The following PTPN2 variants were observed in gnomAD, a reference collection of about 807,000 sequenced individuals.
The protein encoded by PTPN2 is tyrosine-protein phosphatase non-receptor type 2.
PTPN2 carries 19 observed loss-of-function variants against 57.3 expected under a neutral mutation model. That is an observed-to-expected ratio of 0.33 (90% CI 0.23 to 0.49). PTPN2 has a LOEUF of 0.49. PTPN2 is among the 20% of genes least tolerant of loss of function. The pLI is 0.99. For missense variants in PTPN2, 358 were observed against 501.1 expected (o/e 0.71, Z 2.73); for synonymous variants, 153 against 164.9 (o/e 0.93, Z 0.55).
intron 1 of PTPN2, among the ~76,000 whole-genome samples, chr18:12,861,308 G>A (rs2043801171): frequency 6.6e-6 from 1 of 152,214 alleles, no homozygotes; most frequent in African/African-American, 2.4e-5. Flanking sequence ...CAAATGGAAA[G>A]TTAATTGACT....
intron 7 of PTPN2, among the ~76,000 whole-genome samples, chr18:12,812,293 T>C (rs1225529556): frequency 6.6e-6 from 1 of 152,194 alleles, no homozygotes; most frequent in Non-Finnish European, 1.5e-5. Flanking sequence ...TACACATATT[T>C]ACAGACTTAA....
intron 2 of PTPN2, among the ~76,000 whole-genome samples, chr18:12,837,977 C>T (rs1403565629): frequency 6.6e-6 from 1 of 152,056 alleles, no homozygotes; most frequent in African/African-American, 2.4e-5. Context: ...AAGATGATGT[C>T]AACAAGCACT....
Position 12,884,152 on chromosome 18 carries a change from G to C in PTPN2, c.-11C>G. The C allele has an allele frequency of 6.4e-7, 1 of 1,571,848 alleles. No individual in the cohort carries two copies. Among genetic ancestry groups the C allele is most frequent in the Non-Finnish European group, 8.6e-7 (1 of 1,161,014 alleles). On this transcript the variant is annotated 5_prime_UTR_variant, in exon 1 of 9. Coordinates refer to ENST00000309660, the MANE Select transcript of PTPN2 (RefSeq NM_002828.4). ...GATGGTGGTGGGCATGGCTGCGGGA[G>C]CGAGCTGGCGCGAGCAGAGCCTGCG...
intron 1 of PTPN2, among the ~76,000 whole-genome samples, chr18:12,860,578 C>CAT (rs2057996743): frequency 6.6e-6 from 1 of 151,762 alleles, no homozygotes; most frequent in South Asian, 2.1e-4. Flanking sequence ...GCCTGGGTGA[C>CAT]AGAGTGAGGC....
chr18:12,827,678 C>T (rs559810958), intron 4 of PTPN2, among the ~76,000 whole-genome samples: 1 of 150,956 alleles, frequency 6.6e-6, no homozygotes, highest in Non-Finnish European at 1.5e-5. Context: ...AGCCCTCCAA[C>T]CTGGCCAGAA....
At chr18:12,837,742 A>T (rs2042915812) in intron 2 of PTPN2, among the ~76,000 whole-genome samples, 1 of 149,036 alleles carries the variant, frequency 6.7e-6, no homozygotes, top group Non-Finnish European at 1.5e-5. Flanking sequence ...CCTCTCAAAG[A>T]AATCCATACT....
chr18:12,835,558 T>C (rs1429400193), intron 3 of PTPN2, among the ~76,000 whole-genome samples: 2 of 151,946 alleles, frequency 1.3e-5, no homozygotes, highest in Non-Finnish European at 2.9e-5. Context: ...GTATTTTTAG[T>C]AGAGATGGGG....
intron 2 of PTPN2, among the ~76,000 whole-genome samples, chr18:12,852,723 C>T (rs2043441271): frequency 6.6e-6 from 1 of 152,170 alleles, no homozygotes; most frequent in African/African-American, 2.4e-5. Flanking sequence ...CTTTATGTTT[C>T]TCGTATTCAG....
downstream of PTPN2, among the ~76,000 whole-genome samples, chr18:12,791,462 C>T (rs1457012332): frequency 6.6e-6 from 1 of 152,032 alleles, no homozygotes; most frequent in Non-Finnish European, 1.5e-5. Flanking sequence ...CTGTAGAACC[C>T]ATCTAGAATT....
At chr18:12,863,816 C>T (rs1039940513) in intron 1 of PTPN2, 7 of 152,046 alleles carry the variant, frequency 4.6e-5, no homozygotes, top group Non-Finnish European at 1.0e-4. Flanking sequence ...TATAATTTAA[C>T]CAAAAATTTT....
rs1379865440 is a variant in PTPN2 at position 12,793,457 on chromosome 18, T to C, written c.*821A>G. On this transcript the variant is annotated 3_prime_UTR_variant, in exon 9 of 9. Coordinates refer to ENST00000309660, the MANE Select transcript of PTPN2 (RefSeq NM_002828.4). ...TGGGATTTACAGAAACCAATTTCTTTACAAAGTCTTGACCAACTGTTTACC... is the reference window on the plus strand; with the variant it reads ...TGGGATTTACAGAAACCAATTTCTTCACAAAGTCTTGACCAACTGTTTACC... 6 of 977,274 alleles carry C rather than the reference T, an allele frequency of 6.1e-6. No homozygotes were observed. The African/African-American group carries it at 8.8e-5, about 14-fold the overall frequency. The allele number at this position is 977,274 out of a possible 1,614,324, so 60.5% of individuals were successfully genotyped here.
intron 1 of PTPN2, among the ~76,000 whole-genome samples, chr18:12,870,385 G>GTA (rs1227062555): frequency 0.027 from 907 of 34,090 alleles, 132 homozygotes; most frequent in African/African-American, 0.12. Flanking sequence ...ATATATATAC[G>GTA]TATATATGTA....
chr18:12,840,864 C>T, intron 2 of PTPN2: 1 of 1,587,622 alleles, frequency 6.3e-7, no homozygotes, highest in South Asian at 1.1e-5. Flanking sequence ...TCACATAAAC[C>T]CCACTTCTGT....
At chr18:12,857,564 C>G (rs2043636860) in intron 2 of PTPN2, among the ~76,000 whole-genome samples, 1 of 152,162 alleles carries the variant, frequency 6.6e-6, no homozygotes, top group Admixed American at 6.5e-5. Context: ...AGGTGTACAA[C>G]TGGAAAATAC....
chr18:12,840,870 T>C, intron 2 of PTPN2: 2 of 1,581,140 alleles, frequency 1.3e-6, no homozygotes, highest in Non-Finnish European at 1.7e-6. Flanking sequence ...AAACCCCACT[T>C]CTGTGCCGAT....
In PTPN2 at chr18:12,800,000, T is replaced by A. The variant is rs561290219; in HGVS notation, c.1040+1970A>T. Among the ~76,000 whole-genome samples the A allele has an allele frequency of 2.4e-3, 368 of 152,240 alleles. 3 individuals carry two copies. Among genetic ancestry groups the A allele is most frequent in the African/African-American group, 8.5e-3 (353 of 41,556 alleles). On this transcript the variant is annotated intron_variant, in intron 8 of 8. Transcript: ENST00000309660. ...TCCGCTTAGAATTCTGACTTTTCTG[T>A]TGGGACTCTCTGCTTTCAAACATGC...
At chr18:12,872,174 A>G (rs2044290097) in intron 1 of PTPN2, 2 of 152,208 alleles carry the variant, frequency 1.3e-5, no homozygotes, top group African/African-American at 4.8e-5. Context: ...TTGATGTACC[A>G]GGTCCTTTAC....
chr18:12,820,030 A>C (rs2145329613), intron 5 of PTPN2, among the ~76,000 whole-genome samples: 1 of 152,280 alleles, frequency 6.6e-6, no homozygotes, highest in South Asian at 2.1e-4. Context: ...TCCTGCGCAC[A>C]ATTACTTCAT....
intron 6 of PTPN2, among the ~76,000 whole-genome samples, chr18:12,815,890 C>G (rs2042058855): frequency 6.6e-6 from 1 of 152,188 alleles, no homozygotes; most frequent in Admixed American, 6.5e-5. Context: ...TGGGAATCTA[C>G]TTTGTGCTGG....
Sources: allele counts gnomAD v4.1 joint callset (sites outside exome capture counted in the v4.1 genomes callset), GRCh38; gene constraint gnomAD v4.1.1; transcripts MANE v1.5; gene names NCBI Gene and HGNC (gene_info 2026-07-23, HGNC 2026-07-21).